Variants in LSM1 observed in about 807,000 individuals in gnomAD.
LSM1 encodes LSM1 homolog, mRNA degradation associated.
In LSM1, 13 loss-of-function variants were observed where a neutral mutation model predicts 18.0. That is an observed-to-expected ratio of 0.72 (90% CI 0.47 to 1.15). LSM1 has a LOEUF of 1.15. LSM1 is among the 50% of genes most tolerant of loss of function. The probability of loss-of-function intolerance (pLI) is 0.00; values close to 1 mark genes in which losing one functional copy is unlikely to be tolerated. For synonymous variants in LSM1, 46 were observed against 56.0 expected, an observed-to-expected ratio of 0.82 and a Z score of 0.80; for missense variants, 152 against 157.7, an observed-to-expected ratio of 0.96 and a Z score of 0.19.
chr8:38,168,868 C>T (rs1417592015), intron 3 of LSM1, among the ~76,000 whole-genome samples: 1 of 152,028 alleles, frequency 6.6e-6, no homozygotes, highest in African/African-American at 2.4e-5. Flanking sequence ...AATATGAGGT[C>T]TCTGAACCAA....
intron 3 of LSM1, among the ~76,000 whole-genome samples, chr8:38,164,288 A>G (rs1041132111): frequency 1.1e-4 from 17 of 152,140 alleles, no homozygotes; most frequent in Non-Finnish European, 2.1e-4. Flanking sequence ...ACCTGACCTC[A>G]TGATCTGCCT....
chr8:38,174,373 G>A (rs1198160708), intron 1 of LSM1, among the ~76,000 whole-genome samples: 2 of 152,048 alleles, frequency 1.3e-5, no homozygotes, highest in Non-Finnish European at 2.9e-5. Context: ...AAAAAGGGAG[G>A]AATCCTTCCT....
intron 1 of LSM1, among the ~76,000 whole-genome samples, chr8:38,173,411 A>T (rs1008751510): frequency 2.0e-5 from 3 of 151,944 alleles, no homozygotes; most frequent in Non-Finnish European, 4.4e-5. Context: ...ATTAAAGAGG[A>T]GGAAAAAAGG....
chr8:38,167,660 T>C (rs1389024685), intron 3 of LSM1, among the ~76,000 whole-genome samples: 1 of 152,136 alleles, frequency 6.6e-6, no homozygotes, highest in Non-Finnish European at 1.5e-5. Context: ...CTTAAGTTTT[T>C]TCCTCTGATA....
At position 38,163,704 on chromosome 8, in the gene LSM1, G is replaced by C. The variant is rs1366261462; in HGVS notation, c.368C>G (p.Ser123Cys). 1 of 1,614,076 alleles carries C rather than the reference G, an allele frequency of 6.2e-7. No individual in the cohort carries two copies. The highest frequency in any genetic ancestry group is 8.5e-7 in the Non-Finnish European group (1 of 1,180,042). ...ATCAAGAGTATCTGCTCGAGGAATG[G>C]AAAGACCTCGGTCCTTCAGGGCCTG... ...KVQALKDRGL[S>C]IPRADTLDEY is the part of the protein sequence containing the mutation. The change falls in exon 4 of 4, where the codon TCC becomes TGC. Residue 123 changes from serine (S) to cysteine (C), a missense_variant. Transcript: ENST00000311351.
At chr8:38,171,692 C>T (rs1424650027) in intron 2 of LSM1, among the ~76,000 whole-genome samples, 2 of 152,112 alleles carry the variant, frequency 1.3e-5, no homozygotes, top group African/African-American at 4.8e-5. Context: ...CAAAACAAGC[C>T]TCTTCGGTGG....
At chr8:38,175,357 C>A (rs1216367762) in intron 1 of LSM1, among the ~76,000 whole-genome samples, 1 of 152,112 alleles carries the variant, frequency 6.6e-6, no homozygotes, top group Non-Finnish European at 1.5e-5. Flanking sequence ...CGTGAGCCAC[C>A]GCGCCAGGCC....
chr8:38,164,885 C>T (rs1046243106), intron 3 of LSM1, among the ~76,000 whole-genome samples: 6 of 152,116 alleles, frequency 3.9e-5, no homozygotes, highest in Non-Finnish European at 5.9e-5. Flanking sequence ...TTACCTCCTA[C>T]GTAGCTGGGG....
At chr8:38,163,867 T>G in intron 3 of LSM1, 27 bp from the exon 4 acceptor site, 1 of 1,606,266 alleles carries the variant, frequency 6.2e-7, no homozygotes, top group African/African-American at 1.3e-5. Context: ...TTTGAAAACT[T>G]CACCTGAAGA....
chr8:38,176,136 T>C, intron 1 of LSM1, 139 bp downstream of exon 1: 3 of 655,338 alleles, frequency 4.6e-6, no homozygotes, highest in South Asian at 3.8e-5. Flanking sequence ...GTGGAGGACA[T>C]CGACGCGGAA....
chr8:38,175,027 A>G (rs1295031789), intron 1 of LSM1, among the ~76,000 whole-genome samples: 2 of 88,662 alleles, frequency 2.3e-5, no homozygotes, highest in African/African-American at 8.2e-5. Flanking sequence ...CTCTGTCTCA[A>G]AAAAAAAAAA....
chr8:38,170,909 T>C (rs1803016192), intron 2 of LSM1: 12 of 319,456 alleles, frequency 3.8e-5, no homozygotes, highest in South Asian at 2.6e-4. Flanking sequence ...TCTATGTTCA[T>C]ATCTTCCATA....
At chr8:38,172,160 T>C in intron 1 of LSM1, 127 bp from the exon 2 acceptor site, 5 of 683,468 alleles carry the variant, frequency 7.3e-6, no homozygotes, top group Non-Finnish European at 1.0e-5. Context: ...TTCAAGTTCA[T>C]TGGAAAACTG....
chr8:38,176,452 C>G lies in LSM1; in HGVS notation c.-132G>C, dbSNP rs777158105. 13 of 702,860 alleles carry G rather than the reference C, an allele frequency of 1.8e-5. 1 individual carries two copies. The South Asian group carries it at 2.1e-4, about 11-fold the overall frequency. The allele number at this position is 702,860 out of a possible 1,614,324, so 43.5% of individuals were successfully genotyped here. On this transcript the variant is annotated 5_prime_UTR_variant, in exon 1 of 4. Transcript: ENST00000311351. ...CCGACCGAGACCAGCACTTCTGCCCCGGCTTTCAGCCGCCGGGGGCTGCCG... is the reference window on the plus strand; with the variant it reads ...CCGACCGAGACCAGCACTTCTGCCCGGGCTTTCAGCCGCCGGGGGCTGCCG...
intron 3 of LSM1, among the ~76,000 whole-genome samples, chr8:38,167,550 C>T (rs1352778708): frequency 6.6e-6 from 1 of 152,048 alleles, no homozygotes; most frequent in African/African-American, 2.4e-5. Context: ...GGCCATGTTG[C>T]CCAGGCTGGT....
rs976740442 is a variant in LSM1 at position 38,163,483 on chromosome 8, GATTTTGTT to G, written c.*179_*186del. 14 of 531,318 alleles carry G rather than the reference GATTTTGTT, an allele frequency of 2.6e-5. No individual in the cohort carries two copies. In the African/African-American group the frequency reaches 2.7e-4, roughly 10 times the overall value. The allele number at this position is 531,318 out of a possible 1,614,324, so 32.9% of individuals were successfully genotyped here. On this transcript the variant is annotated 3_prime_UTR_variant, in exon 4 of 4. Transcript: ENST00000311351. The stretch of plus-strand genomic sequence containing the variant: ...CTATGCCACTGTTTCTTTAAACAGT[GATTTTGTT>G]ATTAAAAAAAAAACCCACCTACACG...
intron 3 of LSM1, among the ~76,000 whole-genome samples, chr8:38,165,855 A>G (rs576784198): frequency 6.6e-6 from 1 of 152,132 alleles, no homozygotes; most frequent in South Asian, 2.1e-4. Flanking sequence ...CAGTCAGCCT[A>G]GATAACAAAG....
chr8:38,171,513 A>G (rs1803030292), intron 2 of LSM1, among the ~76,000 whole-genome samples: 1 of 152,214 alleles, frequency 6.6e-6, no homozygotes, highest in African/African-American at 2.4e-5. Context: ...CTAAAAATAC[A>G]AAAATTAGCT....
chr8:38,170,774 C>G (rs977172919), intron 2 of LSM1, among the ~76,000 whole-genome samples: 2 of 152,176 alleles, frequency 1.3e-5, no homozygotes, highest in East Asian at 3.8e-4. Context: ...AACTTAATAG[C>G]CACTACCCTT....
Sources: allele counts gnomAD v4.1 joint callset (sites outside exome capture counted in the v4.1 genomes callset), GRCh38; gene constraint gnomAD v4.1.1; transcripts MANE v1.5; gene names NCBI Gene and HGNC (gene_info 2026-07-23, HGNC 2026-07-21).